DPYD: variants seen among roughly 807,000 people sequenced by gnomAD.
The protein encoded by DPYD is dihydropyrimidine dehydrogenase [NADP(+)].
DPYD carries 109 observed loss-of-function variants against 116.2 expected under a neutral mutation model. The observed-to-expected ratio is 0.94, with a 90% CI of 0.80 to 1.10. The LOEUF is 1.10. DPYD is among the 50% of genes least tolerant of loss of function. The pLI is 0.00. For missense variants in DPYD, 1,302 were observed against 1,254.5 expected (o/e 1.04, Z -0.57); for synonymous variants, 440 against 432.0 (o/e 1.02, Z -0.23).
Position 97,642,594 on chromosome 1 carries a change from A to G in DPYD, c.850+36501T>C, listed in dbSNP as rs7528037. On this transcript the variant is annotated intron_variant, in intron 8 of 22. Transcript: ENST00000370192. Reference sequence around the variant, plus strand: ...TACACCTTTTACAAAAATTAGCTCAAGATGGAAATCATCATTCTCAGTAAA... The same window carrying G: ...TACACCTTTTACAAAAATTAGCTCAGGATGGAAATCATCATTCTCAGTAAA... Among the ~76,000 whole-genome samples, 1,491 of 152,136 alleles carry G rather than the reference A, an allele frequency of 9.8e-3. 29 individuals are homozygous for G. Among genetic ancestry groups the G allele is most frequent in the African/African-American group, 0.035 (1,442 of 41,482 alleles).
intron 18 of DPYD, among the ~76,000 whole-genome samples, chr1:97,291,268 A>T (rs1413579385): frequency 2.7e-5 from 4 of 146,880 alleles, no homozygotes; most frequent in African/African-American, 1.1e-4. Flanking sequence ...CCATTATGGA[A>T]GTCAGTGTGG....
rs138660286 is a variant in DPYD at position 97,733,257 on chromosome 1, T to C, written c.321+7135A>G. On this transcript the variant is annotated intron_variant, in intron 4 of 22. Coordinates refer to ENST00000370192, the MANE Select transcript of DPYD (RefSeq NM_000110.4). The stretch of plus-strand genomic sequence containing the variant: ...ATTGTGAAACCTCTCAGCTTTACTT[T>C]ATTTAATTTTACTACTGAATTTTAA... 3.1e-3 allele frequency among the ~76,000 whole-genome samples: 473 copies of C among 152,194 alleles called. 2 individuals are homozygous for C. The highest frequency in any genetic ancestry group is 0.011 in the African/African-American group (441 of 41,574).
chr1:97,224,497 A>T (rs1660984607), intron 19 of DPYD, among the ~76,000 whole-genome samples: 1 of 151,576 alleles, frequency 6.6e-6, no homozygotes, highest in South Asian at 2.1e-4. Context: ...ACACAGCAAC[A>T]TTTTTTTTCT....
chr1:97,691,808 A>C lies in DPYD; in HGVS notation c.681-10T>G. ...AGGAATTTCAGAAGTACTGAAAAGA[A>C]AGGAGAAAGAAAAACAGGCATCAGT... On this transcript the variant is annotated splice_polypyrimidine_tract_variant and intron_variant, in intron 6 of 22. Coordinates refer to ENST00000370192, the MANE Select transcript of DPYD (RefSeq NM_000110.4). 6.2e-7 allele frequency: 1 copy of C among 1,612,478 alleles called. No homozygotes were observed. The highest frequency in any genetic ancestry group is 8.5e-7 in the Non-Finnish European group (1 of 1,178,728).
intron 12 of DPYD, among the ~76,000 whole-genome samples, chr1:97,517,754 T>C (rs981561280): frequency 6.6e-6 from 1 of 152,138 alleles, no homozygotes; most frequent in African/African-American, 2.4e-5. Flanking sequence ...AGTAAAAGTA[T>C]AGAAGCAACT....
intron 13 of DPYD, chr1:97,514,318 A>T (rs1172443513): frequency 1.2e-6 from 1 of 861,784 alleles, no homozygotes; most frequent in East Asian, 1.2e-4. Flanking sequence ...GCAAGCGAAG[A>T]AAACATCAAA....
intron 11 of DPYD, among the ~76,000 whole-genome samples, chr1:97,553,015 T>C (rs923735889): frequency 1.3e-5 from 2 of 151,956 alleles, no homozygotes; most frequent in Non-Finnish European, 2.9e-5. Flanking sequence ...GAAAGTAGAA[T>C]ATGGACAACA....
At chr1:97,079,240 G>T in intron 22 of DPYD, 94 bp from the exon 23 acceptor site, 2 of 1,327,710 alleles carry the variant, frequency 1.5e-6, no homozygotes, top group Non-Finnish European at 2.2e-6. Flanking sequence ...CTGCAGAGGA[G>T]CCACACTATG....
intron 14 of DPYD, among the ~76,000 whole-genome samples, chr1:97,430,287 GT>G (rs1176163324): frequency 6.6e-6 from 1 of 152,134 alleles, no homozygotes; most frequent in East Asian, 1.9e-4. Flanking sequence ...ATTCTAGTGT[GT>G]GACTTGAAAT....
chr1:97,739,061 T>G (rs968236316), intron 4 of DPYD, among the ~76,000 whole-genome samples: 1 of 152,094 alleles, frequency 6.6e-6, no homozygotes, highest in Non-Finnish European at 1.5e-5. Context: ...ATGCTTGATA[T>G]GAAGAGTGTT....
intron 22 of DPYD, among the ~76,000 whole-genome samples, chr1:97,079,733 G>A (rs766005299): frequency 4.6e-4 from 70 of 152,128 alleles, no homozygotes; most frequent in Admixed American, 1.7e-3. Context: ...ACACTGAATG[G>A]AGAGCCAGGA....
At chr1:97,135,774 T>C (rs1482412945) in intron 20 of DPYD, among the ~76,000 whole-genome samples, 1 of 152,196 alleles carries the variant, frequency 6.6e-6, no homozygotes, top group African/African-American at 2.4e-5. Flanking sequence ...GCTAAATTGA[T>C]TGATTGATAG....
At chr1:97,293,962 A>T (rs1285845535) in intron 18 of DPYD, among the ~76,000 whole-genome samples, 1 of 152,050 alleles carries the variant, frequency 6.6e-6, no homozygotes, top group Non-Finnish European at 1.5e-5. Context: ...AAAAAAAACC[A>T]GTCCAATCAC....
chr1:97,583,601 G>C (rs971825267), intron 10 of DPYD, among the ~76,000 whole-genome samples: 1 of 147,388 alleles, frequency 6.8e-6, no homozygotes. Flanking sequence ...TCGGATTCTA[G>C]TAATTTTTAT....
At chr1:97,519,755 T>G (rs1439875373) in intron 12 of DPYD, among the ~76,000 whole-genome samples, 1 of 152,154 alleles carries the variant, frequency 6.6e-6, no homozygotes, top group Non-Finnish European at 1.5e-5. Context: ...TCTTGTTGGC[T>G]TATGTTCTTA....
At chr1:97,470,070 T>C (rs1200225424) in intron 13 of DPYD, among the ~76,000 whole-genome samples, 2 of 152,228 alleles carry the variant, frequency 1.3e-5, no homozygotes, top group African/African-American at 2.4e-5. Context: ...GGTGCTCCAA[T>C]GGACTGAGGG....
At position 97,334,974 on chromosome 1, in the gene DPYD, G is replaced by C. The variant is rs575839246; in HGVS notation, c.2059-28677C>G. On this transcript the variant is annotated intron_variant, in intron 16 of 22. Transcript: ENST00000370192. Reference sequence around the variant, plus strand: ...GTAAGTGTGTTACCACGGAGGTTCTGTGTGTGTTGGGGCAGTGGGGAACAG... The same window carrying C: ...GTAAGTGTGTTACCACGGAGGTTCTCTGTGTGTTGGGGCAGTGGGGAACAG... Among the ~76,000 whole-genome samples, 313 of 152,300 alleles carry C rather than the reference G, an allele frequency of 2.1e-3. 3 individuals carry two copies. Among genetic ancestry groups the C allele is most frequent in the African/African-American group, 7.3e-3 (303 of 41,570 alleles).
At chr1:97,743,260 T>C (rs987266734) in intron 3 of DPYD, among the ~76,000 whole-genome samples, 7 of 152,116 alleles carry the variant, frequency 4.6e-5, no homozygotes, top group African/African-American at 1.4e-4. Flanking sequence ...CCTTTTTCCT[T>C]TGGTGTCATG....
At chr1:97,206,010 C>T (rs925922586) in intron 19 of DPYD, among the ~76,000 whole-genome samples, 1 of 152,098 alleles carries the variant, frequency 6.6e-6, no homozygotes, top group African/African-American at 2.4e-5. Flanking sequence ...CATGGGCTTG[C>T]TCTGCTGTCC....
Sources: gnomAD v4.1 joint callset for allele counts (sites outside exome capture counted in the v4.1 genomes callset) on GRCh38, gnomAD v4.1.1 for gene constraint, MANE v1.5 for transcripts, NCBI Gene and HGNC (gene_info 2026-07-23, HGNC 2026-07-21) for gene names.